UNC79: variants seen among roughly 807,000 people sequenced by gnomAD.
The protein encoded by UNC79 is protein unc-79 homolog.
UNC79 carries 37 observed loss-of-function variants against 283.1 expected under a neutral mutation model. The observed-to-expected ratio is 0.13, with a 90% CI of 0.10 to 0.17. UNC79 has a LOEUF of 0.17. Among genes scored for constraint, UNC79 ranks in the 10% least tolerant of loss-of-function variants. The probability of loss-of-function intolerance (pLI) is 1.00; values close to 1 mark genes in which losing one functional copy is unlikely to be tolerated. For synonymous variants in UNC79, 1,107 were observed against 1,200.2 expected (o/e 0.92, Z 1.61); for missense variants, 2,272 against 3,211.1 (o/e 0.71, Z 7.07).
intron 22 of UNC79, among the ~76,000 whole-genome samples, chr14:93,590,175 A>C (rs191182583): frequency 2.1e-4 from 32 of 152,298 alleles, no homozygotes; most frequent in Non-Finnish European, 3.8e-4. Context: ...GTAGGAACTC[A>C]TCTTAACTGA....
intron 20 of UNC79, among the ~76,000 whole-genome samples, chr14:93,585,246 C>T (rs1253062393): frequency 6.6e-6 from 1 of 152,180 alleles, no homozygotes; most frequent in African/African-American, 2.4e-5. Context: ...TGCTTCTGCT[C>T]TGCAGGCCTT....
chr14:93,525,557 A>G (rs938999716), intron 8 of UNC79, among the ~76,000 whole-genome samples: 3 of 152,076 alleles, frequency 2.0e-5, no homozygotes, highest in Non-Finnish European at 4.4e-5. Context: ...TGGGGTTCAG[A>G]GGTGCTCTTC....
At chr14:93,671,808 G>A (rs1368489289) in intron 40 of UNC79, among the ~76,000 whole-genome samples, 2 of 151,888 alleles carry the variant, frequency 1.3e-5, no homozygotes, top group Admixed American at 6.6e-5. Context: ...CAACAAAAAT[G>A]TAAATAATCC....
At chr14:93,597,244 C>T in intron 23 of UNC79, 115 bp from the exon 24 acceptor site, 2 of 1,104,642 alleles carry the variant, frequency 1.8e-6, no homozygotes, top group Middle Eastern at 3.0e-4. Flanking sequence ...GCGGGAGACC[C>T]AGAGTTAACT....
chr14:93,370,048 A>G (rs1391626887), intron 1 of UNC79, among the ~76,000 whole-genome samples: 3 of 152,220 alleles, frequency 2.0e-5, no homozygotes, highest in African/African-American at 7.2e-5. Context: ...CTGAGGCTTA[A>G]TCACAGGACT....
chr14:93,706,696 T>C lies in UNC79; in HGVS notation c.7591-8T>C. On this transcript the variant is annotated splice_region_variant and splice_polypyrimidine_tract_variant and intron_variant, in intron 48 of 48. Transcript: ENST00000555664. Reference sequence around the variant, plus strand: ...AATAAACTAAAACCTCTTGCCCTTTTTCGACAGCACTTATCTGCGGGACTC... The same window carrying C: ...AATAAACTAAAACCTCTTGCCCTTTCTCGACAGCACTTATCTGCGGGACTC... 1 of 1,614,052 alleles carries C rather than the reference T, an allele frequency of 6.2e-7. No homozygotes were observed. The highest frequency in any genetic ancestry group is 1.7e-5 in the Admixed American group (1 of 60,014).
intron 1 of UNC79, among the ~76,000 whole-genome samples, chr14:93,403,044 G>A (rs180693069): frequency 6.6e-6 from 1 of 152,212 alleles, no homozygotes; most frequent in African/African-American, 2.4e-5. Flanking sequence ...GGTGGGAGTG[G>A]GGCTTCCAGG....
intron 34 of UNC79, among the ~76,000 whole-genome samples, chr14:93,645,600 C>G (rs935783309): frequency 6.6e-6 from 1 of 152,148 alleles, no homozygotes; most frequent in African/African-American, 2.4e-5. Context: ...CCCAGCAATT[C>G]CAAGAGTTTG....
At position 93,542,635 on chromosome 14, in the gene UNC79, G is replaced by A. The variant is rs1330741057; in HGVS notation, c.1694G>A (p.Cys565Tyr). The A allele has an allele frequency of 3.1e-6, 5 of 1,614,098 alleles. No homozygotes were observed. The Admixed American group carries it at 8.3e-5, about 27-fold the overall frequency. The change falls in exon 14 of 49, where the codon TGT becomes TAT. Residue 565 changes from cysteine (C) to tyrosine (Y), a missense_variant. By Grantham distance (194) the Cys-to-Tyr change is radical. Transcript: ENST00000555664. ...GTCACCAAATGGCTGAAGACCGTAT[G>A]TGATGTTCGCTTCGATGTCATGGTC...
chr14:93,394,401 AT>A (rs2054947956), intron 1 of UNC79, among the ~76,000 whole-genome samples: 2 of 143,894 alleles, frequency 1.4e-5, no homozygotes, highest in African/African-American at 5.2e-5. Flanking sequence ...ATTTTATTTT[AT>A]TTTATTTTAT....
intron 16 of UNC79, among the ~76,000 whole-genome samples, chr14:93,573,677 C>T (rs548483326): frequency 4.2e-4 from 64 of 152,246 alleles, no homozygotes; most frequent in Non-Finnish European, 7.9e-4. Context: ...CAATATTCTT[C>T]GCATTTGACA....
At chr14:93,347,445 G>C (rs1323639552) in intron 1 of UNC79, 2 of 1,402,528 alleles carry the variant, frequency 1.4e-6, no homozygotes, top group South Asian at 3.1e-5. Flanking sequence ...TGGCCCTGGC[G>C]GGGCGCCCCG....
intron 1 of UNC79, among the ~76,000 whole-genome samples, chr14:93,368,651 T>C (rs1471854172): frequency 2.0e-5 from 3 of 152,092 alleles, no homozygotes; most frequent in Non-Finnish European, 2.9e-5. Context: ...TTTGTATTTT[T>C]AGTCGAGACA....
At chr14:93,521,250 G>A (rs1339897915) in intron 7 of UNC79, among the ~76,000 whole-genome samples, 1 of 151,918 alleles carries the variant, frequency 6.6e-6, no homozygotes, top group East Asian at 1.9e-4. Flanking sequence ...TTCCAGCCCT[G>A]TACAAGCTCT....
At chr14:93,638,305 T>C (rs1046242675) in intron 32 of UNC79, among the ~76,000 whole-genome samples, 2 of 152,208 alleles carry the variant, frequency 1.3e-5, no homozygotes, top group African/African-American at 4.8e-5. Flanking sequence ...TTTTAGTCCC[T>C]GTACTGGATG....
intron 1 of UNC79, among the ~76,000 whole-genome samples, chr14:93,365,383 TCAA>T (rs1416482450): frequency 7.6e-4 from 21 of 27,564 alleles, no homozygotes; most frequent in African/African-American, 1.0e-3. Context: ...ATACTCCATC[TCAA>T]AAAAAAAAAA....
intron 14 of UNC79, among the ~76,000 whole-genome samples, chr14:93,566,168 T>A (rs183791161): frequency 6.6e-6 from 1 of 152,008 alleles, no homozygotes; most frequent in African/African-American, 2.4e-5. Flanking sequence ...AGCCTCCCGC[T>A]TGGGAGAGAA....
At chr14:93,394,520 C>G (rs1266050122) in intron 1 of UNC79, among the ~76,000 whole-genome samples, 4 of 151,370 alleles carry the variant, frequency 2.6e-5, no homozygotes, top group Non-Finnish European at 5.9e-5. Context: ...AAGCGATTCT[C>G]CTGCCTCAGC....
chr14:93,654,072 C>A, intron 37 of UNC79, 47 bp downstream of exon 40: 2 of 1,554,652 alleles, frequency 1.3e-6, no homozygotes, highest in Non-Finnish European at 1.8e-6. Context: ...AAACTCTAAG[C>A]CCCAGCACAA....
Sources: allele counts gnomAD v4.1 joint callset (sites outside exome capture counted in the v4.1 genomes callset), GRCh38; gene constraint gnomAD v4.1.1; transcripts MANE v1.5; gene names NCBI Gene and HGNC (gene_info 2026-07-23, HGNC 2026-07-21).